ASAP1: variants seen among roughly 807,000 people sequenced by gnomAD.
The protein encoded by ASAP1 is arf-GAP with SH3 domain, ANK repeat and PH domain-containing protein 1.
In ASAP1, 43 loss-of-function variants were observed where a neutral mutation model predicts 145.2. The observed-to-expected ratio is 0.30, with a 90% CI of 0.23 to 0.38. The LOEUF (loss-of-function observed/expected upper bound fraction) is 0.38, where lower values mean the gene tolerates loss of function less well. ASAP1 is among the 10% of genes least tolerant of loss of function. The pLI is 1.00. For missense variants in ASAP1, 1,018 were observed against 1,355.3 expected (o/e 0.75, Z 3.91); for synonymous variants, 546 against 515.5 (o/e 1.06, Z -0.80).
At chr8:130,064,739 A>G (rs1592719426) in intron 27 of ASAP1, among the ~76,000 whole-genome samples, 3 of 152,018 alleles carry the variant, frequency 2.0e-5, no homozygotes, top group Admixed American at 1.3e-4. Flanking sequence ...GAATGTTCCC[A>G]CCTTCCTGTC....
chr8:130,099,580 G>C (rs2097525049), intron 24 of ASAP1, among the ~76,000 whole-genome samples: 1 of 151,830 alleles, frequency 6.6e-6, no homozygotes, highest in African/African-American at 2.4e-5. Context: ...TCCCACATGA[G>C]TGAGAACATG....
chr8:130,245,913 C>T (rs548976268), intron 3 of ASAP1, among the ~76,000 whole-genome samples: 7 of 152,196 alleles, frequency 4.6e-5, no homozygotes, highest in Middle Eastern at 3.4e-3. Flanking sequence ...GGGTAGCACA[C>T]GTAAAAATAT....
chr8:130,158,132 T>TA (rs1452760693), intron 12 of ASAP1, among the ~76,000 whole-genome samples: 2 of 151,848 alleles, frequency 1.3e-5, no homozygotes, highest in Non-Finnish European at 2.9e-5. Context: ...CAAATTACAG[T>TA]AAAAAATGTA....
chr8:130,284,390 A>C (rs1266356799), intron 3 of ASAP1, among the ~76,000 whole-genome samples: 1 of 152,182 alleles, frequency 6.6e-6, no homozygotes, highest in African/African-American at 2.4e-5. Context: ...ACAAAGTATG[A>C]GGTTCAAATG....
At chr8:130,056,500 C>T (rs2097404522) in intron 29 of ASAP1, among the ~76,000 whole-genome samples, 1 of 152,224 alleles carries the variant, frequency 6.6e-6, no homozygotes, top group Non-Finnish European at 1.5e-5. Context: ...TTGGTAGCAA[C>T]CCCCTTCCTA....
chr8:130,241,194 C>A (rs1818506585), intron 3 of ASAP1, among the ~76,000 whole-genome samples: 1 of 152,136 alleles, frequency 6.6e-6, no homozygotes, highest in Admixed American at 6.6e-5. Context: ...GCTCTTTCTT[C>A]TTACACAAGC....
At chr8:130,208,398 T>A (rs1280075226) in intron 5 of ASAP1, among the ~76,000 whole-genome samples, 5 of 152,168 alleles carry the variant, frequency 3.3e-5, no homozygotes, top group Non-Finnish European at 7.3e-5. Context: ...ACAAAGCAAC[T>A]CCCTCAGGTT....
At chr8:130,312,276 T>TTAA (rs1337122310) in intron 3 of ASAP1, among the ~76,000 whole-genome samples, 17 of 149,324 alleles carry the variant, frequency 1.1e-4, no homozygotes, top group African/African-American at 4.0e-4. Context: ...GACCCTGTCT[T>TTAA]TAAAAAAAAA....
intron 1 of ASAP1, among the ~76,000 whole-genome samples, chr8:130,437,983 A>AAACAAAC (rs1830374847): frequency 1.3e-5 from 2 of 152,190 alleles, no homozygotes; most frequent in Admixed American, 1.3e-4. Context: ...GGAAACACCA[A>AAACAAAC]AAATATTACA....
rs1032682827 is a variant in ASAP1 at position 130,358,302 on chromosome 8, G to C, written c.60-159C>G. On this transcript the variant is annotated intron_variant, in intron 2 of 29. Coordinates refer to ENST00000518721, the MANE Select transcript of ASAP1 (RefSeq NM_018482.4). The surrounding 1 kb of genome is among the most constrained non-coding windows in gnomAD (Gnocchi z 4.1). ...TCCCGTCCCCGGCAGCGGCGAGAGG[G>C]AGGGAAGGAGGCGGGCGAAGGCAGG... is the stretch of plus-strand genomic sequence containing the variant. 3.8e-4 allele frequency among the ~76,000 whole-genome samples: 57 copies of C among 150,032 alleles called. No homozygotes were observed. The highest frequency in any genetic ancestry group is 1.3e-3 in the African/African-American group (55 of 41,278).
At chr8:130,410,437 A>G (rs953982770) in intron 1 of ASAP1, among the ~76,000 whole-genome samples, 112 of 152,200 alleles carry the variant, frequency 7.4e-4, no homozygotes, top group African/African-American at 2.5e-3. Context: ...AGTTTATTCT[A>G]TACTCGGAGG....
intron 3 of ASAP1, among the ~76,000 whole-genome samples, chr8:130,259,878 T>A (rs17212137): frequency 1.3e-5 from 2 of 152,122 alleles, no homozygotes; most frequent in East Asian, 3.9e-4. Context: ...TGAGGATAAA[T>A]AAATACTAAG....
intron 3 of ASAP1, among the ~76,000 whole-genome samples, chr8:130,302,502 C>T (rs1235137787): frequency 6.6e-6 from 1 of 152,158 alleles, no homozygotes; most frequent in African/African-American, 2.4e-5. Context: ...TTCTTCATGG[C>T]AAACAGGAAG....
intron 27 of ASAP1, among the ~76,000 whole-genome samples, chr8:130,075,231 A>G (rs1258679032): frequency 6.6e-6 from 1 of 152,200 alleles, no homozygotes; most frequent in African/African-American, 2.4e-5. Flanking sequence ...AAAGACAACA[A>G]AAACCAACCC....
intron 4 of ASAP1, among the ~76,000 whole-genome samples, chr8:130,232,007 G>A (rs968609257): frequency 2.0e-5 from 3 of 152,312 alleles, no homozygotes; most frequent in South Asian, 2.1e-4. Flanking sequence ...TTGCTTCTAC[G>A]TCTCACTTGC....
At chr8:130,318,832 T>C (rs556002298) in intron 3 of ASAP1, among the ~76,000 whole-genome samples, 3 of 152,100 alleles carry the variant, frequency 2.0e-5, no homozygotes, top group Non-Finnish European at 2.9e-5. Flanking sequence ...AAATGTCAAA[T>C]GGAGTGGCCA....
intron 27 of ASAP1, among the ~76,000 whole-genome samples, chr8:130,063,690 G>A (rs901397880): frequency 1.3e-5 from 2 of 152,206 alleles, no homozygotes; most frequent in African/African-American, 4.8e-5. Flanking sequence ...GAGGGAGGCC[G>A]TGGAGCCTCC....
chr8:130,115,667 C>T lies in ASAP1; in HGVS notation c.2133G>A (p.Gln711=). Residue 711 remains glutamine, a synonymous_variant, in exon 23 of 30, where the codon CAG becomes CAA. Coordinates refer to ENST00000518721, the MANE Select transcript of ASAP1 (RefSeq NM_018482.4). The part of the protein sequence containing the change: ...VHVEYEWNLR[Q]EEIDESDDDL... ...CATCATCGCTCTCATCTATCTCCTC[C>T]TGTCGAAGATTCCACTCATATTCTA... The T allele has an allele frequency of 6.2e-7, 1 of 1,614,170 alleles. No individual in the cohort carries two copies. Among genetic ancestry groups the T allele is most frequent in the Non-Finnish European group, 8.5e-7 (1 of 1,180,004 alleles).
At chr8:130,406,997 C>T (rs999937567) in intron 1 of ASAP1, among the ~76,000 whole-genome samples, 7 of 152,200 alleles carry the variant, frequency 4.6e-5, no homozygotes, top group Non-Finnish European at 4.4e-5. Context: ...TTTCTGAACT[C>T]TTACAGCACA....
Sources: gnomAD v4.1 joint callset for allele counts (sites outside exome capture counted in the v4.1 genomes callset) on GRCh38, gnomAD v4.1.1 for gene constraint, Gnocchi (gnomAD v3.1) non-coding constraint, MANE v1.5 for transcripts, NCBI Gene and HGNC (gene_info 2026-07-23, HGNC 2026-07-21) for gene names.